Variants in PTER observed in about 807,000 individuals in gnomAD.
The protein encoded by PTER is N-acetyltaurine hydrolase.
In PTER, 38 loss-of-function variants were observed where a neutral mutation model predicts 29.6. That is an observed-to-expected ratio of 1.28 (90% CI 0.99 to 1.68). The LOEUF (loss-of-function observed/expected upper bound fraction) is 1.68. Ranked by LOEUF, PTER falls within the 40% of genes most tolerant of loss-of-function variation. The pLI is 0.00. For synonymous variants in PTER, 172 were observed against 154.5 expected, an observed-to-expected ratio of 1.11 and a Z score of -0.84; for missense variants, 482 against 427.8, an observed-to-expected ratio of 1.13 and a Z score of -1.12.
At chr10:16,499,970 C>A (rs1836270993) in intron 3 of PTER, among the ~76,000 whole-genome samples, 1 of 150,780 alleles carries the variant, frequency 6.6e-6, no homozygotes, top group African/African-American at 2.4e-5. Context: ...TGGGCTCAAG[C>A]AACCCTCCCA....
intron 3 of PTER, among the ~76,000 whole-genome samples, chr10:16,500,752 T>A (rs911217538): frequency 1.3e-5 from 2 of 152,018 alleles, no homozygotes; most frequent in Admixed American, 6.6e-5. Context: ...TTATATTTCT[T>A]TTTTTAGAGT....
At chr10:16,494,592 G>A (rs571985406) in intron 3 of PTER, among the ~76,000 whole-genome samples, 11 of 152,236 alleles carry the variant, frequency 7.2e-5, no homozygotes, top group South Asian at 2.1e-4. Context: ...AAATACCTAC[G>A]TATTTGGTCA....
intron 3 of PTER, among the ~76,000 whole-genome samples, chr10:16,495,788 C>T (rs1300730617): frequency 6.6e-6 from 1 of 152,176 alleles, no homozygotes; most frequent in East Asian, 1.9e-4. Context: ...GGAAAGGGCA[C>T]TAGATTAGGA....
intron 3 of PTER, among the ~76,000 whole-genome samples, chr10:16,496,812 A>G (rs1836122016): frequency 1.3e-5 from 2 of 152,066 alleles, no homozygotes; most frequent in Admixed American, 1.3e-4. Context: ...GGAATGATGG[A>G]TAGATGGATG....
chr10:16,467,671 G>A (rs928244694), intron 1 of PTER, among the ~76,000 whole-genome samples: 3 of 152,112 alleles, frequency 2.0e-5, no homozygotes, highest in Non-Finnish European at 2.9e-5. Flanking sequence ...AATTAGCCAG[G>A]TGTGGTAGTG....
At chr10:16,517,967 A>G (rs1424271887), downstream of PTER, among the ~76,000 whole-genome samples, 1 of 151,772 alleles carries the variant, frequency 6.6e-6, no homozygotes, top group African/African-American at 2.4e-5. Flanking sequence ...GTTACAGTCC[A>G]GAAGCATTTC....
At chr10:16,485,995 G>A (rs1242034465) in intron 2 of PTER, among the ~76,000 whole-genome samples, 1 of 152,058 alleles carries the variant, frequency 6.6e-6, no homozygotes, top group Admixed American at 6.6e-5. Context: ...TCAATTCATT[G>A]GCGGTCTTTC....
At chr10:16,482,268 C>T (rs1015790938) in intron 1 of PTER, among the ~76,000 whole-genome samples, 1 of 152,126 alleles carries the variant, frequency 6.6e-6, no homozygotes. Flanking sequence ...ATTCTGTCAC[C>T]CTCTGACCTC....
intron 1 of PTER, among the ~76,000 whole-genome samples, chr10:16,452,071 T>C (rs1402418647): frequency 1.3e-5 from 2 of 152,076 alleles, no homozygotes; most frequent in Non-Finnish European, 2.9e-5. Flanking sequence ...ATCTATGAAA[T>C]CACAGGCTTG....
chr10:16,473,518 CGA>C (rs1491169749), intron 1 of PTER, among the ~76,000 whole-genome samples: 5 of 61,862 alleles, frequency 8.1e-5, no homozygotes, highest in Non-Finnish European at 1.3e-4. Context: ...AGACTCCATC[CGA>C]AAAAAAAAAA....
intron 3 of PTER, among the ~76,000 whole-genome samples, chr10:16,492,184 T>C (rs1328184176): frequency 6.6e-6 from 1 of 152,128 alleles, no homozygotes; most frequent in East Asian, 1.9e-4. Flanking sequence ...AACCATCTGC[T>C]CCCTTTAAGA....
In PTER at chr10:16,464,173, A is replaced by T. The variant is rs1399477880; in HGVS notation, c.-48-20164A>T. 3.3e-5 allele frequency among the ~76,000 whole-genome samples: 5 copies of T among 152,210 alleles called. No homozygotes were observed. In the East Asian group the frequency reaches 7.7e-4, roughly 23 times the overall value. ...AAGGTAATGAAACCAGCAATATAGAAAGCTGAGGGTTTAATATAGTCAGAG... is the reference window on the plus strand; with the variant it reads ...AAGGTAATGAAACCAGCAATATAGATAGCTGAGGGTTTAATATAGTCAGAG... On this transcript the variant is annotated intron_variant, in intron 1 of 4. Coordinates refer to ENST00000535784, the MANE Select transcript of PTER (RefSeq NM_001261836.2).
At chr10:16,516,069 T>C (rs1836946380), downstream of PTER, among the ~76,000 whole-genome samples, 1 of 152,208 alleles carries the variant, frequency 6.6e-6, no homozygotes, top group African/African-American at 2.4e-5. Flanking sequence ...TCTTTAACAC[T>C]GCTGAACTTG....
At chr10:16,473,158 A>T (rs1158353149) in intron 1 of PTER, among the ~76,000 whole-genome samples, 2 of 152,032 alleles carry the variant, frequency 1.3e-5, no homozygotes, top group South Asian at 2.1e-4. Context: ...CCTTCTCTTT[A>T]TTCGGCTCAA....
chr10:16,488,560 A>G (rs1835783662), intron 3 of PTER, among the ~76,000 whole-genome samples: 1 of 151,550 alleles, frequency 6.6e-6, no homozygotes, highest in Non-Finnish European at 1.5e-5. Flanking sequence ...TATCATGTTC[A>G]AGTATTCTGC....
Position 16,488,602 on chromosome 10 carries a change from TGGAGAG to T in PTER, c.698+1986_698+1991del, listed in dbSNP as rs1247354297. On this transcript the variant is annotated intron_variant, in intron 3 of 4. Coordinates refer to ENST00000535784, the MANE Select transcript of PTER (RefSeq NM_001261836.2). ...ACTAATTTAAATATATATATATATATGGAGAGAGAGAGAGAGAGAGAGAGAGTCTGT... is the reference window on the plus strand; with the variant it reads ...ACTAATTTAAATATATATATATATATAGAGAGAGAGAGAGAGAGAGTCTGT... 4.5e-5 allele frequency among the ~76,000 whole-genome samples: 6 copies of T among 133,590 alleles called. No individual in the cohort carries two copies. In the South Asian group the frequency reaches 7.3e-4, roughly 16 times the overall value. 87.6% of individuals were successfully genotyped at this position (133,590 alleles called of 152,430 possible).
intron 1 of PTER, among the ~76,000 whole-genome samples, chr10:16,483,847 C>A (rs1835576011): frequency 1.3e-5 from 2 of 151,784 alleles, no homozygotes; most frequent in African/African-American, 4.8e-5. Flanking sequence ...GCAAGACTCT[C>A]CCTCAAAAAG....
chr10:16,463,261 G>A (rs1314710408), intron 1 of PTER, among the ~76,000 whole-genome samples: 3 of 151,264 alleles, frequency 2.0e-5, no homozygotes, highest in African/African-American at 7.3e-5. Flanking sequence ...AGGGAAACTT[G>A]GAGACAGAGG....
intron 1 of PTER, among the ~76,000 whole-genome samples, chr10:16,476,901 C>CTCTCTCTCTCTTTTTTTTT (rs1214090481): frequency 1.0e-5 from 1 of 100,368 alleles, no homozygotes; most frequent in Non-Finnish European, 1.9e-5. Context: ...TCCTAGAATT[C>CTCTCTCTCTCTTTTTTTTT]TTTTTTTTTT....
Sources: gnomAD v4.1 joint callset for allele counts (sites outside exome capture counted in the v4.1 genomes callset) on GRCh38, gnomAD v4.1.1 for gene constraint, MANE v1.5 for transcripts, NCBI Gene and HGNC (gene_info 2026-07-23, HGNC 2026-07-21) for gene names.